The following FYN variants were observed in gnomAD, a reference collection of about 807,000 sequenced individuals.
The protein encoded by FYN is tyrosine-protein kinase Fyn.
Under a neutral mutation model 70.2 loss-of-function variants are expected in FYN, and 10 were observed. The observed-to-expected ratio is 0.14, with a 90% CI of 0.09 to 0.24. FYN has a LOEUF of 0.24. Ranked by LOEUF, FYN falls within the 10% of genes least tolerant of loss-of-function variation. FYN has a pLI of 1.00. For missense variants in FYN, 319 were observed against 673.1 expected, an observed-to-expected ratio of 0.47 and a Z score of 5.82; for synonymous variants, 236 against 248.6, an observed-to-expected ratio of 0.95 and a Z score of 0.48.
chr6:111,841,253 T>C (rs1250663827), intron 2 of FYN, among the ~76,000 whole-genome samples: 1 of 152,218 alleles, frequency 6.6e-6, no homozygotes, highest in Non-Finnish European at 1.5e-5. Context: ...AAGAGGTGAT[T>C]CTCTTTTCAA....
At chr6:111,815,731 T>C (rs1772469090) in intron 2 of FYN, among the ~76,000 whole-genome samples, 1 of 151,950 alleles carries the variant, frequency 6.6e-6, no homozygotes. Context: ...TTTTTTTCTT[T>C]TTTTTGAGAC....
chr6:111,757,851 A>G (rs1318067138), intron 3 of FYN, among the ~76,000 whole-genome samples: 2 of 152,240 alleles, frequency 1.3e-5, no homozygotes, highest in Non-Finnish European at 2.9e-5. Context: ...AGGTATGTCC[A>G]TCGGCATGGG....
chr6:111,761,782 G>A (rs1441053461), intron 3 of FYN, among the ~76,000 whole-genome samples: 1 of 152,186 alleles, frequency 6.6e-6, no homozygotes, highest in Non-Finnish European at 1.5e-5. Flanking sequence ...CCTCCAGGAC[G>A]CTCTGCAGGG....
At chr6:111,835,284 C>A (rs972250116) in intron 2 of FYN, among the ~76,000 whole-genome samples, 1 of 152,186 alleles carries the variant, frequency 6.6e-6, no homozygotes, top group Admixed American at 6.5e-5. Context: ...ATGTTTCACA[C>A]CATCTGCATT....
At chr6:111,817,787 G>C (rs1181215165) in intron 2 of FYN, among the ~76,000 whole-genome samples, 1 of 152,294 alleles carries the variant, frequency 6.6e-6, no homozygotes, top group African/African-American at 2.4e-5. Flanking sequence ...AATGGTTTCT[G>C]GTAATTATTG....
intron 3 of FYN, among the ~76,000 whole-genome samples, chr6:111,722,497 C>T (rs1407466995): frequency 1.3e-5 from 2 of 152,198 alleles, no homozygotes; most frequent in Non-Finnish European, 2.9e-5. Context: ...CACATTTCTG[C>T]AAAGACCAGA....
intron 3 of FYN, among the ~76,000 whole-genome samples, chr6:111,780,319 G>A (rs574050415): frequency 3.8e-4 from 58 of 152,100 alleles, no homozygotes; most frequent in African/African-American, 1.3e-3. Context: ...ACCGGCATCC[G>A]GAAACTTTTC....
intron 2 of FYN, among the ~76,000 whole-genome samples, chr6:111,837,086 T>C (rs1366327304): frequency 6.6e-6 from 1 of 152,220 alleles, no homozygotes; most frequent in Admixed American, 6.5e-5. Context: ...ACTTTACCAG[T>C]GAGGCCTTCC....
At chr6:111,744,235 G>A (rs1802108513) in intron 3 of FYN, among the ~76,000 whole-genome samples, 1 of 152,226 alleles carries the variant, frequency 6.6e-6, no homozygotes. Context: ...TAGCACTGGG[G>A]ACAAAGCTTC....
At position 111,843,885 on chromosome 6, in the gene FYN, G is replaced by A. The variant is rs1457854040; in HGVS notation, c.-82+2704C>T. On this transcript the variant is annotated intron_variant, in intron 2 of 13. Transcript: ENST00000354650. ...GATAGGGCAACCCCATCCAGCCTGG[G>A]CCTTTAGGGGAGTGTCAAGGAAGAG... Among the ~76,000 whole-genome samples, 4 of 152,150 alleles carry A rather than the reference G, an allele frequency of 2.6e-5. No individual in the cohort carries two copies. In the South Asian group the frequency reaches 6.2e-4, roughly 24 times the overall value.
At chr6:111,845,830 A>C (rs1188800827) in intron 2 of FYN, among the ~76,000 whole-genome samples, 2 of 152,098 alleles carry the variant, frequency 1.3e-5, no homozygotes, top group African/African-American at 2.4e-5. Context: ...CAGTGGGGGA[A>C]CTCAAGGCAC....
chr6:111,757,027 TATAAAAG>T (rs1257921255), intron 3 of FYN, among the ~76,000 whole-genome samples: 2 of 152,044 alleles, frequency 1.3e-5, no homozygotes, highest in Non-Finnish European at 2.9e-5. Flanking sequence ...AAAATAAATA[TATAAAAG>T]ATAAAAGATT....
intron 2 of FYN, among the ~76,000 whole-genome samples, chr6:111,817,364 A>C (rs1324438714): frequency 6.6e-6 from 1 of 152,174 alleles, no homozygotes; most frequent in African/African-American, 2.4e-5. Flanking sequence ...AATTTAAGAC[A>C]ATTTCTTTCC....
intron 3 of FYN, among the ~76,000 whole-genome samples, chr6:111,765,235 G>A (rs1262985300): frequency 6.6e-6 from 1 of 152,152 alleles, no homozygotes; most frequent in South Asian, 2.1e-4. Context: ...CCCCTCAAAT[G>A]CATGTGTTGA....
chr6:111,819,184 C>T (rs967159589), intron 2 of FYN, among the ~76,000 whole-genome samples: 3 of 152,158 alleles, frequency 2.0e-5, no homozygotes, highest in African/African-American at 7.2e-5. Flanking sequence ...TCTTCTCTCC[C>T]CTTAATCCCC....
At chr6:111,671,168 T>G (rs1000918324) in intron 13 of FYN, among the ~76,000 whole-genome samples, 1 of 152,238 alleles carries the variant, frequency 6.6e-6, no homozygotes, top group Non-Finnish European at 1.5e-5. Flanking sequence ...AATCTCAGCA[T>G]CATATTTCAG....
At chr6:111,748,262 A>T (rs1381460900) in intron 3 of FYN, among the ~76,000 whole-genome samples, 1 of 152,234 alleles carries the variant, frequency 6.6e-6, no homozygotes, top group Non-Finnish European at 1.5e-5. Context: ...ACATCTCATA[A>T]ATAAAAGCCA....
chr6:111,683,333 C>T (rs575796758), intron 12 of FYN, among the ~76,000 whole-genome samples: 29 of 152,360 alleles, frequency 1.9e-4, no homozygotes, highest in African/African-American at 6.0e-4. Context: ...GGGAGGGTCA[C>T]GGCAGGGGCC....
Position 111,855,029 on chromosome 6 carries a change from T to C in FYN, c.-122-8400A>G, listed in dbSNP as rs141665288. 2.9e-3 allele frequency among the ~76,000 whole-genome samples: 448 copies of C among 152,346 alleles called. 1 individual carries two copies. Among genetic ancestry groups the C allele is most frequent in the African/African-American group, 0.01 (435 of 41,580 alleles). ...TGTTGTTCCAAATTGATTTTGCTTA[T>C]TTTTGAACTCAGGTTTTTTTGTGCA... On this transcript the variant is annotated intron_variant, in intron 1 of 13. Transcript: ENST00000354650.
Sources: gnomAD v4.1 joint callset for allele counts (sites outside exome capture counted in the v4.1 genomes callset) on GRCh38, gnomAD v4.1.1 for gene constraint, MANE v1.5 for transcripts, NCBI Gene and HGNC (gene_info 2026-07-23, HGNC 2026-07-21) for gene names.